The following PCDHGA7 variants were observed in gnomAD, a reference collection of about 807,000 sequenced individuals.
PCDHGA7 encodes the protein protocadherin gamma subfamily A, 7, also known as protocadherin gamma-A7.
A neutral mutation model predicts 58.3 loss-of-function variants in PCDHGA7; 44 were observed. The ratio of observed to expected loss-of-function variants is 0.75; its 90% CI spans 0.59 to 0.97. The LOEUF (loss-of-function observed/expected upper bound fraction) is 0.97. Among genes scored for constraint, PCDHGA7 ranks in the 50% least tolerant of loss-of-function variants. The probability of loss-of-function intolerance (pLI) is 0.00; values close to 1 mark genes in which losing one functional copy is unlikely to be tolerated. For synonymous variants in PCDHGA7, 516 were observed against 504.2 expected (o/e 1.02, Z -0.31); for missense variants, 1,266 against 1,188.7 (o/e 1.06, Z -0.96).
intron 1 of PCDHGA7, among the ~76,000 whole-genome samples, chr5:141,469,449 C>A (rs1017174114): frequency 2.0e-5 from 3 of 151,846 alleles, no homozygotes; most frequent in African/African-American, 7.3e-5. Context: ...GTGGTGCACA[C>A]CTGTAGTCTC....
intron 1 of PCDHGA7, among the ~76,000 whole-genome samples, chr5:141,461,253 C>A (rs1358900194): frequency 6.6e-6 from 1 of 152,108 alleles, no homozygotes; most frequent in Non-Finnish European, 1.5e-5. Flanking sequence ...ATATTCCCAG[C>A]AGCAATGTGT....
At chr5:141,387,936 T>G (rs200817766) in intron 1 of PCDHGA7, 31,224 of 1,475,552 alleles carry the variant, frequency 0.021, 381 homozygotes, top group Non-Finnish European at 0.026. Flanking sequence ...GCCAGTGCTC[T>G]TTCTCTTCCT....
In PCDHGA7 at chr5:141,409,272, T is replaced by G. The variant is rs2095250021; in HGVS notation, c.2424+23949T>G. ...ATCACTTCTCTCTCTGATCAGATTT[T>G]GGAGAATTCACCTCCAGGAATGGTT... On this transcript the variant is annotated intron_variant, in intron 1 of 3. Coordinates refer to ENST00000518325, the MANE Select transcript of PCDHGA7 (RefSeq NM_018920.4). 5 of 1,614,042 alleles carry G rather than the reference T, an allele frequency of 3.1e-6. No individual in the cohort carries two copies. In the South Asian group the frequency reaches 4.4e-5, roughly 14 times the overall value.
intron 1 of PCDHGA7, chr5:141,390,108 A>G (rs1450933158): frequency 6.2e-7 from 1 of 1,614,030 alleles, no homozygotes; most frequent in Non-Finnish European, 8.5e-7. Context: ...CCCCAACTAC[A>G]GCGAGGGGAC....
chr5:141,490,423 T>C lies in PCDHGA7; in HGVS notation c.2425-4384T>C. ...CCTTGATATCTCTCCGGACCTGCCATTTCAGATTAAGCCTTCTGAGAACCA... is the reference window on the plus strand; with the variant it reads ...CCTTGATATCTCTCCGGACCTGCCACTTCAGATTAAGCCTTCTGAGAACCA... On this transcript the variant is annotated intron_variant, in intron 1 of 3. Coordinates refer to ENST00000518325, the MANE Select transcript of PCDHGA7 (RefSeq NM_018920.4). This position sits in a 1 kb window ranked among gnomAD's most constrained non-coding sequence, Gnocchi z 5.4. 6.2e-7 allele frequency: 1 copy of C among 1,614,172 alleles called. No individual in the cohort carries two copies. The highest frequency in any genetic ancestry group is 8.5e-7 in the Non-Finnish European group (1 of 1,180,028).
chr5:141,394,821 G>C (rs2093106496), intron 1 of PCDHGA7: 4 of 1,613,862 alleles, frequency 2.5e-6, no homozygotes, highest in Middle Eastern at 1.6e-4. Flanking sequence ...CAGCATCCCC[G>C]AAGTCCTGAC....
chr5:141,436,089 T>C (rs1001252646), intron 1 of PCDHGA7, among the ~76,000 whole-genome samples: 1 of 152,204 alleles, frequency 6.6e-6, no homozygotes, highest in Non-Finnish European at 1.5e-5. Context: ...ATAGGTAATA[T>C]TGAGAGAAAT....
chr5:141,490,480 C>A lies in PCDHGA7; in HGVS notation c.2425-4327C>A, dbSNP rs564439931. ...GCTGCTAACCAGCCAGCCTTTGGAC[C>A]GGGAGGCCACATCCCACTATATCAT... On this transcript the variant is annotated intron_variant, in intron 1 of 3. Transcript: ENST00000518325. The surrounding 1 kb of genome is among the most constrained non-coding windows in gnomAD (Gnocchi z 5.4). 2.5e-5 allele frequency: 40 copies of A among 1,614,076 alleles called. No homozygotes were observed. The highest frequency in any genetic ancestry group is 5.9e-6 in the Non-Finnish European group (7 of 1,180,058).
At chr5:141,386,536 G>C (rs919634660) in intron 1 of PCDHGA7, among the ~76,000 whole-genome samples, 6 of 151,656 alleles carry the variant, frequency 4.0e-5, no homozygotes, top group Admixed American at 6.6e-5. Flanking sequence ...TTTTAGACTA[G>C]TGTTGTATTT....
In PCDHGA7 at chr5:141,511,774, T is replaced by C. The variant is rs1173144009; in HGVS notation, c.*601T>C. 6.2e-6 allele frequency: 1 copy of C among 160,350 alleles called. No homozygotes were observed. The highest frequency in any genetic ancestry group is 1.4e-5 in the Non-Finnish European group (1 of 72,132). The allele number at this position is 160,350 out of a possible 1,614,324, so 9.9% of individuals were successfully genotyped here. A position where few individuals can be genotyped will look rare whatever the true frequency, so the allele number is the denominator to read the frequency against. On this transcript the variant is annotated 3_prime_UTR_variant, in exon 4 of 4. Coordinates refer to ENST00000518325, the MANE Select transcript of PCDHGA7 (RefSeq NM_018920.4). ...ATGATCACCATCCCCATGGTACTGA[T>C]GCTTGCTGGATTTAGGGAGGGCATT...
At chr5:141,462,280 C>T (rs927977920) in intron 1 of PCDHGA7, among the ~76,000 whole-genome samples, 15 of 152,146 alleles carry the variant, frequency 9.9e-5, no homozygotes, top group African/African-American at 3.4e-4. Context: ...TGTTTAGTCA[C>T]CAAATATGTA....
intron 2 of PCDHGA7, among the ~76,000 whole-genome samples, chr5:141,504,802 C>G (rs370355030): frequency 6.6e-6 from 1 of 152,030 alleles, no homozygotes; most frequent in East Asian, 1.9e-4. Context: ...ACATCTCCCC[C>G]TAGGTACCTC....
chr5:141,423,562 A>C (rs374427537), intron 1 of PCDHGA7: 1 of 1,613,612 alleles, frequency 6.2e-7, no homozygotes, highest in African/African-American at 1.3e-5. Context: ...CTATGGGGAC[A>C]CGCTCATCAG....
At chr5:141,402,272 G>A (rs934353221) in intron 1 of PCDHGA7, among the ~76,000 whole-genome samples, 7 of 151,874 alleles carry the variant, frequency 4.6e-5, no homozygotes, top group African/African-American at 1.2e-4. Context: ...TAATTTCAAA[G>A]TGGATAATCT....
Position 141,418,806 on chromosome 5 carries a change from C to T in PCDHGA7, c.2424+33483C>T, listed in dbSNP as rs200530054. The T allele has an allele frequency of 3.0e-5, 49 of 1,613,694 alleles. No individual in the cohort carries two copies. In the African/African-American group the frequency reaches 5.9e-4, roughly 19 times the overall value. On this transcript the variant is annotated intron_variant, in intron 1 of 3. Transcript: ENST00000518325. ...GATTTTGAAGAAGTAGAAAGATATA[C>T]GATAAACATAGAAGCAAAAGACCGA...
Position 141,511,381 on chromosome 5 carries a change from G to C in PCDHGA7, c.*208G>C. 8.5e-7 allele frequency: 1 copy of C among 1,170,380 alleles called. No individual in the cohort carries two copies. Among genetic ancestry groups the C allele is most frequent in the Non-Finnish European group, 1.2e-6 (1 of 854,768 alleles). 72.5% of individuals were successfully genotyped at this position (1,170,380 alleles called of 1,614,324 possible). On this transcript the variant is annotated 3_prime_UTR_variant, in exon 4 of 4. Coordinates refer to ENST00000518325, the MANE Select transcript of PCDHGA7 (RefSeq NM_018920.4). The stretch of plus-strand genomic sequence containing the variant: ...GGGTTGAATATGCAAAAGCAGTTCC[G>C]CTGGGAACCCCCATCCAATCAACTG...
At chr5:141,409,522 G>C in intron 1 of PCDHGA7, 4 of 1,613,992 alleles carry the variant, frequency 2.5e-6, no homozygotes, top group Non-Finnish European at 3.4e-6. Context: ...GCATCACCTT[G>C]TATGTCGCTG....
chr5:141,386,463 C>T (rs2090584678), intron 1 of PCDHGA7, among the ~76,000 whole-genome samples: 1 of 152,034 alleles, frequency 6.6e-6, no homozygotes, highest in Admixed American at 6.6e-5. Context: ...ACAGCTTGAA[C>T]CCAAGAATTG....
chr5:141,450,107 A>G (rs1228532939), intron 1 of PCDHGA7, among the ~76,000 whole-genome samples: 3 of 150,976 alleles, frequency 2.0e-5, no homozygotes, highest in Non-Finnish European at 4.4e-5. Flanking sequence ...CCCAGGTTCA[A>G]ATGATTCTCC....
Sources: gnomAD v4.1 joint callset for allele counts (sites outside exome capture counted in the v4.1 genomes callset) on GRCh38, gnomAD v4.1.1 for gene constraint, Gnocchi (gnomAD v3.1) non-coding constraint, MANE v1.5 for transcripts, NCBI Gene and HGNC (gene_info 2026-07-23, HGNC 2026-07-21) for gene names.